Variants in DIXDC1 observed in about 807,000 individuals in gnomAD.
DIXDC1 encodes dixin.
Under a neutral mutation model 103.1 loss-of-function variants are expected in DIXDC1, and 64 were observed. The ratio of observed to expected loss-of-function variants is 0.62; its 90% CI spans 0.51 to 0.76. The LOEUF (loss-of-function observed/expected upper bound fraction) is 0.76. Ranked by LOEUF, DIXDC1 falls within the 30% of genes least tolerant of loss-of-function variation. The pLI, the probability that DIXDC1 is intolerant of heterozygous loss-of-function variation, is 0.00. For synonymous variants in DIXDC1, 266 were observed against 298.5 expected, an observed-to-expected ratio of 0.89 and a Z score of 1.12; for missense variants, 759 against 834.2, an observed-to-expected ratio of 0.91 and a Z score of 1.11.
At chr11:111,993,776 T>C in intron 14 of DIXDC1, 36 bp downstream of exon 14, 2 of 1,607,396 alleles carry the variant, frequency 1.2e-6, no homozygotes, top group Non-Finnish European at 1.7e-6. Flanking sequence ...CCCACATTTA[T>C]GAAGCAAACG....
rs34575249 is a variant in DIXDC1, at chr11:111,982,469, A to G, written c.900A>G (p.Lys300=). Residue 300 remains lysine, a synonymous_variant, in exon 7 of 20, where the codon AAA becomes AAG. Coordinates refer to ENST00000440460, the MANE Select transcript of DIXDC1 (RefSeq NM_001037954.4). The stretch of plus-strand genomic sequence containing the variant: ...AAAAAGAAATGGAGGAAGCAAAGAA[A>G]ATGATATCAGGACTACAGGTAGCTC... ...YLEKEMEEAK[K]MISGLQALLL... 1.9e-3 allele frequency: 3,011 copies of G among 1,613,484 alleles called. 27 individuals carry two copies. The African/African-American group carries it at 0.032, about 17-fold the overall frequency.
At chr11:111,983,864 A>G (rs1860404466) in intron 7 of DIXDC1, among the ~76,000 whole-genome samples, 1 of 152,236 alleles carries the variant, frequency 6.6e-6, no homozygotes, top group African/African-American at 2.4e-5. Flanking sequence ...CACAGCATCC[A>G]CTGGGCTTCT....
At chr11:111,955,833 CAAAAAAAAAA>C (rs781822030) in intron 1 of DIXDC1, among the ~76,000 whole-genome samples, 8 of 17,660 alleles carry the variant, frequency 4.5e-4, no homozygotes, top group Non-Finnish European at 5.9e-4. Context: ...GACTCTAGCT[CAAAAAAAAAA>C]AAAAAAAAAA....
chr11:111,989,121 T>G (rs1290016006), intron 10 of DIXDC1, 66 bp downstream of exon 10: 6 of 1,350,052 alleles, frequency 4.4e-6, no homozygotes, highest in African/African-American at 1.5e-5. Flanking sequence ...TGTTGGTGAG[T>G]GGTGAGAGTT....
chr11:111,957,324 T>C (rs1003028961), intron 1 of DIXDC1, among the ~76,000 whole-genome samples: 2 of 152,150 alleles, frequency 1.3e-5, no homozygotes, highest in African/African-American at 4.8e-5. Flanking sequence ...GAAAAATCAA[T>C]AAATGTTAAA....
intron 1 of DIXDC1, among the ~76,000 whole-genome samples, chr11:111,939,185 G>A (rs782351941): frequency 6.6e-6 from 1 of 152,190 alleles, no homozygotes; most frequent in Non-Finnish European, 1.5e-5. Flanking sequence ...TTTAAGAGGA[G>A]GAAACCAGCA....
At chr11:111,941,236 G>A (rs1456790069) in intron 1 of DIXDC1, among the ~76,000 whole-genome samples, 7 of 152,154 alleles carry the variant, frequency 4.6e-5, no homozygotes, top group Admixed American at 3.3e-4. Flanking sequence ...AGCTAAGATC[G>A]TGCCACAGTA....
chr11:111,982,438 A>G lies in DIXDC1; in HGVS notation c.869A>G (p.Tyr290Cys). 6.2e-7 allele frequency: 1 copy of G among 1,613,872 alleles called. No homozygotes were observed. The highest frequency in any genetic ancestry group is 2.2e-5 in the East Asian group (1 of 44,888). The change falls in exon 7 of 20, where the codon TAT becomes TGT. Residue 290 changes from tyrosine (Y) to cysteine (C), a missense_variant. Around this residue, in one of 3 missense-constraint regions of DIXDC1, gnomAD observed 657 missense variants for 727.5 expected, o/e 0.90. Transcript: ENST00000440460. The part of the protein sequence containing the change: ...WEEQLLEQQE[Y>C]LEKEMEEAKK... The stretch of plus-strand genomic sequence containing the variant: ...GAACAGCTGTTGGAACAACAAGAAT[A>G]TTTAGAAAAAGAAATGGAGGAAGCA...
intron 17 of DIXDC1, among the ~76,000 whole-genome samples, chr11:112,001,312 A>T (rs1265659482): frequency 6.6e-6 from 1 of 152,240 alleles, no homozygotes; most frequent in Admixed American, 6.5e-5. Flanking sequence ...AGGGAGGAAT[A>T]GGGAATAACC....
chr11:111,955,415 G>T (rs1464406069), intron 1 of DIXDC1, among the ~76,000 whole-genome samples: 1 of 151,888 alleles, frequency 6.6e-6, no homozygotes, highest in Non-Finnish European at 1.5e-5. Flanking sequence ...ATCCAGAGCT[G>T]GAGCAGGGAG....
chr11:111,954,213 C>T (rs782301656), intron 1 of DIXDC1, among the ~76,000 whole-genome samples: 2 of 152,048 alleles, frequency 1.3e-5, no homozygotes, highest in African/African-American at 4.8e-5. Flanking sequence ...GGTCCTATCT[C>T]GGGGTAATGG....
At chr11:111,960,439 C>T (rs1555170989) in intron 1 of DIXDC1, among the ~76,000 whole-genome samples, 1 of 150,590 alleles carries the variant, frequency 6.6e-6, no homozygotes, top group African/African-American at 2.4e-5. Context: ...ACTAAAAATA[C>T]AGAAATTAGG....
chr11:111,997,622 T>G (rs1860944439), intron 17 of DIXDC1, among the ~76,000 whole-genome samples: 1 of 152,234 alleles, frequency 6.6e-6, no homozygotes, highest in South Asian at 2.1e-4. Flanking sequence ...CTATTGTTTG[T>G]AGAGGATTAT....
chr11:112,006,721 TG>T (rs1861250220), intron 17 of DIXDC1, among the ~76,000 whole-genome samples: 1 of 152,198 alleles, frequency 6.6e-6, no homozygotes, highest in Non-Finnish European at 1.5e-5. Flanking sequence ...GGGACCTGAC[TG>T]TTAGAAGGAA....
intron 17 of DIXDC1, among the ~76,000 whole-genome samples, chr11:112,002,163 C>T (rs1861088645): frequency 2.0e-5 from 3 of 151,898 alleles, no homozygotes; most frequent in South Asian, 4.2e-4. Context: ...TCATGACTAC[C>T]AGGTGCTTAT....
In DIXDC1 at chr11:111,996,146, A is replaced by T. The variant is rs1555175392; in HGVS notation, c.1756A>T (p.Lys586Ter). The T allele has an allele frequency of 1.9e-6, 3 of 1,613,272 alleles. No individual in the cohort carries two copies. The highest frequency in any genetic ancestry group is 2.5e-6 in the Non-Finnish European group (3 of 1,179,598). The stretch of plus-strand genomic sequence containing the variant: ...CCGGGAGTCCTGGCCCCCTAACTCA[A>T]GTAAGTACCCATTTTTGCTCAGTAG... The part of the protein sequence containing the change: ...EYRESWPPNS[K>*]LPHSQSSPTV... Residue 586 changes from lysine (K) to a stop codon, truncating the protein, a stop_gained and splice_region_variant, in exon 17 of 20, where the codon AAG becomes TAG. Transcript: ENST00000440460. LOFTEE classifies it high-confidence loss of function.
rs587608788 is a variant in DIXDC1, at chr11:111,977,169, G to T, written c.656+2186G>T. On this transcript the variant is annotated intron_variant, in intron 5 of 19. Coordinates refer to ENST00000440460, the MANE Select transcript of DIXDC1 (RefSeq NM_001037954.4). This position sits in a 1 kb window ranked among gnomAD's most constrained non-coding sequence, Gnocchi z 6.1. ...ACGTCCCCACCCCCACCTCCACCCCGCCCAGCCCCGCCCCTGGCCCGCACC... is the reference window on the plus strand; with the variant it reads ...ACGTCCCCACCCCCACCTCCACCCCTCCCAGCCCCGCCCCTGGCCCGCACC... 9.3e-3 allele frequency: 1,935 copies of T among 208,120 alleles called. 42 individuals are homozygous for T. The highest frequency in any genetic ancestry group is 0.044 in the African/African-American group (1,793 of 40,836). 12.9% of individuals were successfully genotyped at this position (208,120 alleles called of 1,614,324 possible). A position where few individuals can be genotyped will look rare whatever the true frequency, so the allele number is the denominator to read the frequency against.
intron 5 of DIXDC1, 35 bp from the exon 6 acceptor site, chr11:111,980,699 CATA>C (rs782121927): frequency 1.6e-5 from 25 of 1,546,854 alleles, no homozygotes; most frequent in Non-Finnish European, 2.0e-5. Context: ...AACAACTCTT[CATA>C]ATAATCGTTT....
At position 111,995,480 on chromosome 11, in the gene DIXDC1, C is replaced by T; in HGVS notation, c.1605C>T (p.His535=). ...NSFSGHDPQH[H]TIDSLEQGIS... is the part of the protein sequence containing the mutation. ...TCAGTGGCCACGATCCTCAGCACCACACTATTGACAGCTTGGAGCAGGGCA... is the reference window on the plus strand; with the variant it reads ...TCAGTGGCCACGATCCTCAGCACCATACTATTGACAGCTTGGAGCAGGGCA... Residue 535 remains histidine (H), a synonymous_variant, in exon 16 of 20, where the codon CAC becomes CAT. Transcript: ENST00000440460. 1.2e-6 allele frequency: 2 copies of T among 1,613,996 alleles called. No homozygotes were observed. The highest frequency in any genetic ancestry group is 1.7e-6 in the Non-Finnish European group (2 of 1,179,904).
Sources: allele counts gnomAD v4.1 joint callset (sites outside exome capture counted in the v4.1 genomes callset), GRCh38; gene constraint gnomAD v4.1.1; regional missense constraint gnomAD v4.1.1; non-coding constraint Gnocchi (gnomAD v3.1); transcripts MANE v1.5; gene names NCBI Gene and HGNC (gene_info 2026-07-23, HGNC 2026-07-21).